Variants in RAB30 observed in about 807,000 individuals in gnomAD.
RAB30 encodes the protein RAB30, member RAS oncogene family.
A neutral mutation model predicts 25.1 loss-of-function variants in RAB30; 9 were observed. The observed-to-expected ratio is 0.36, with a 90% CI of 0.22 to 0.63. RAB30 has a LOEUF of 0.63. RAB30 is among the 20% of genes least tolerant of loss of function. The pLI, the probability that RAB30 is intolerant of heterozygous loss-of-function variation, is 0.69. For synonymous variants in RAB30, 77 were observed against 86.4 expected, an observed-to-expected ratio of 0.89 and a Z score of 0.60; for missense variants, 140 against 243.5, an observed-to-expected ratio of 0.58 and a Z score of 2.83.
chr11:82,979,462 A>G lies in RAB30; in HGVS notation c.*2703T>C, dbSNP rs1367693328. On this transcript the variant is annotated 3_prime_UTR_variant, in exon 5 of 5. Coordinates refer to ENST00000527633, the MANE Select transcript of RAB30 (RefSeq NM_001286060.2). ...AAGGCTCATCTTAGCAAATATTGCCATGACAATAAGACTGTTAGGCAAACC... is the reference window on the plus strand; with the variant it reads ...AAGGCTCATCTTAGCAAATATTGCCGTGACAATAAGACTGTTAGGCAAACC... The G allele has an allele frequency of 1.3e-5, 2 of 152,288 alleles. No individual in the cohort carries two copies. Among genetic ancestry groups the G allele is most frequent in the African/African-American group, 4.8e-5 (2 of 41,574 alleles). The allele number at this position is 152,288 out of a possible 1,614,324, so 9.4% of individuals were successfully genotyped here. A position where few individuals can be genotyped will look rare whatever the true frequency, so the allele number is the denominator to read the frequency against.
At chr11:83,025,365 T>C (rs1857685346) in intron 1 of RAB30, among the ~76,000 whole-genome samples, 1 of 152,216 alleles carries the variant, frequency 6.6e-6, no homozygotes, top group Non-Finnish European at 1.5e-5. Context: ...TTTACACTGT[T>C]ATAGCTGCCC....
intron 1 of RAB30, among the ~76,000 whole-genome samples, chr11:83,046,764 G>A (rs1783080530): frequency 6.6e-6 from 1 of 152,028 alleles, no homozygotes; most frequent in Non-Finnish European, 1.5e-5. Context: ...CAAAGTGCTG[G>A]GATTACAGCT....
rs1005273697 is a variant in RAB30 at position 82,973,610 on chromosome 11, T to G, written c.*8555A>C. ...AAATGACAGGCTCATAGAAAAATTC[T>G]TATGGATGTATTGGGGAGTTAGTCT... is the stretch of plus-strand genomic sequence containing the variant. On this transcript the variant is annotated 3_prime_UTR_variant, in exon 5 of 5. Transcript: ENST00000527633. 6.6e-6 allele frequency: 1 copy of G among 152,230 alleles called. No homozygotes were observed. Among genetic ancestry groups the G allele is most frequent in the African/African-American group, 2.4e-5 (1 of 41,466 alleles). The allele number at this position is 152,230 out of a possible 1,614,324, so 9.4% of individuals were successfully genotyped here.
At position 83,014,603 on chromosome 11, in the gene RAB30, C is replaced by CAGAGAGAGAG. The variant is rs60032268; in HGVS notation, c.-8-17280_-8-17279insCTCTCTCTCT. On this transcript the variant is annotated intron_variant, in intron 1 of 4. Transcript: ENST00000527633. ...AAGAAAAGAAAGAGAGAGGCAGAGG[C>CAGAGAGAGAG]AGAGAGAGACAAAGAAAGAAAGAAG... 6.0e-4 allele frequency among the ~76,000 whole-genome samples: 81 copies of CAGAGAGAGAG among 134,760 alleles called. 3 individuals are homozygous for CAGAGAGAGAG. The highest frequency in any genetic ancestry group is 2.1e-3 in the African/African-American group (77 of 36,418). 88.4% of individuals were successfully genotyped at this position (134,760 alleles called of 152,430 possible).
chr11:82,983,041 T>C (rs2121430529), intron 4 of RAB30, among the ~76,000 whole-genome samples: 1 of 151,254 alleles, frequency 6.6e-6, no homozygotes, highest in South Asian at 2.1e-4. Context: ...ATGGAAACAC[T>C]GGGATATACT....
Position 83,038,554 on chromosome 11 carries a change from C to T in RAB30, c.-9+33137G>A, listed in dbSNP as rs1028698326. On this transcript the variant is annotated intron_variant, in intron 1 of 4. Transcript: ENST00000527633. ...AAAATAATGAGGCTGGGTGCAGTGGCGCACACCTGTAATCCCAGCACTTTG... is the reference window on the plus strand; with the variant it reads ...AAAATAATGAGGCTGGGTGCAGTGGTGCACACCTGTAATCCCAGCACTTTG... Among the ~76,000 whole-genome samples the T allele has an allele frequency of 2.1e-4, 32 of 152,234 alleles. 1 individual carries two copies. The highest frequency in any genetic ancestry group is 8.5e-4 in the Admixed American group (13 of 15,280).
chr11:83,015,540 A>T (rs1857417176), intron 1 of RAB30, among the ~76,000 whole-genome samples: 3 of 152,236 alleles, frequency 2.0e-5, no homozygotes, highest in Admixed American at 2.0e-4. Context: ...AAGGACTCTC[A>T]GACATCTATG....
rs1856763998 is a variant in RAB30, at chr11:82,987,687, G to C, written c.261C>G (p.Leu87=). 6.2e-7 allele frequency: 1 copy of C among 1,613,668 alleles called. No individual in the cohort carries two copies. Among genetic ancestry groups the C allele is most frequent in the Non-Finnish European group, 8.5e-7 (1 of 1,179,702 alleles). The part of the protein sequence containing the change: ...SYYRSANALI[L]TYDITCEESF... ...ATTCCTCACAGGTAATGTCATAGGTGAGGATCAAGGCATTGGCGCTTCGGT... is the reference window on the plus strand; with the variant it reads ...ATTCCTCACAGGTAATGTCATAGGTCAGGATCAAGGCATTGGCGCTTCGGT... The change falls in exon 4 of 5, where the codon CTC becomes CTG. Residue 87 remains leucine (L), a synonymous_variant. Transcript: ENST00000527633.
At chr11:83,060,482 C>G (rs1760796220) in intron 1 of RAB30, among the ~76,000 whole-genome samples, 2 of 152,252 alleles carry the variant, frequency 1.3e-5, no homozygotes, top group South Asian at 4.1e-4. Flanking sequence ...ACCACCTCAA[C>G]CAAATGATCA....
chr11:83,064,448 T>C (rs958997138), intron 1 of RAB30, among the ~76,000 whole-genome samples: 7 of 152,130 alleles, frequency 4.6e-5, no homozygotes, highest in African/African-American at 7.2e-5. Context: ...AAATTTGAGA[T>C]ATATATTTAG....
In RAB30 at chr11:82,997,300, T is replaced by C. The variant is rs142448864; in HGVS notation, c.17A>G (p.Tyr6Cys). ...TAAAACAATTTTGAACAGGAAATCA[T>C]AATCTTCCATACTCATTTACACAGC... MSMED[Y>C]DFLFKIVLIG... The change falls in exon 2 of 5, where the codon TAT becomes TGT. Residue 6 changes from tyrosine (Y) to cysteine (C), a missense_variant. By Grantham distance (194) the Tyr-to-Cys change is radical. Coordinates refer to ENST00000527633, the MANE Select transcript of RAB30 (RefSeq NM_001286060.2). The C allele has an allele frequency of 3.7e-6, 6 of 1,609,982 alleles. No homozygotes were observed. The highest frequency in any genetic ancestry group is 1.1e-5 in the South Asian group (1 of 90,998).
intron 1 of RAB30, among the ~76,000 whole-genome samples, chr11:83,003,188 A>T (rs1857121039): frequency 6.6e-6 from 1 of 152,218 alleles, no homozygotes; most frequent in Non-Finnish European, 1.5e-5. Context: ...ATGATATTAG[A>T]ATCTATACCA....
chr11:83,008,001 C>T (rs961639668), intron 1 of RAB30, among the ~76,000 whole-genome samples: 2 of 152,266 alleles, frequency 1.3e-5, no homozygotes, highest in Non-Finnish European at 2.9e-5. Flanking sequence ...GAGCTCTGGG[C>T]TTTGCCCCAT....
chr11:83,061,213 CCT>C (rs151314585), intron 1 of RAB30, among the ~76,000 whole-genome samples: 178 of 147,920 alleles, frequency 1.2e-3, no homozygotes, highest in Admixed American at 1.2e-3. Flanking sequence ...TCTCTTCCCA[CCT>C]CTCTCTCTCT....
intron 1 of RAB30, among the ~76,000 whole-genome samples, chr11:83,000,003 C>T (rs1482660427): frequency 6.6e-6 from 1 of 152,156 alleles, no homozygotes; most frequent in African/African-American, 2.4e-5. Flanking sequence ...GAGTCCAGAT[C>T]CTAACCCCTC....
intron 1 of RAB30, among the ~76,000 whole-genome samples, chr11:83,070,201 T>C (rs1352629059): frequency 6.6e-6 from 1 of 152,160 alleles, no homozygotes; most frequent in Admixed American, 6.5e-5. Context: ...CAGAGCGTCA[T>C]CAACAGAGAG....
chr11:82,998,206 T>C (rs17144481), intron 1 of RAB30, among the ~76,000 whole-genome samples: 11,393 of 152,014 alleles, frequency 0.075, 733 homozygotes, highest in East Asian at 0.33. Context: ...TGGGACAGAG[T>C]TACTCTTTTA....
At chr11:83,069,633 A>G (rs1858786872) in intron 1 of RAB30, among the ~76,000 whole-genome samples, 1 of 151,770 alleles carries the variant, frequency 6.6e-6, no homozygotes, top group African/African-American at 2.4e-5. Flanking sequence ...AGGATAAGGA[A>G]AAAAAAAATG....
At position 82,978,832 on chromosome 11, in the gene RAB30, C is replaced by G. The variant is rs1238843964; in HGVS notation, c.*3333G>C. 7 of 152,194 alleles carry G rather than the reference C, an allele frequency of 4.6e-5. No individual in the cohort carries two copies. Among genetic ancestry groups the G allele is most frequent in the Admixed American group, 3.9e-4 (6 of 15,282 alleles). 9.4% of individuals were successfully genotyped at this position (152,194 alleles called of 1,614,324 possible). ...GCTTAAATAATCCTCATCCAAATAT[C>G]TTATTTTGGCCAATCGTTTCTACCT... On this transcript the variant is annotated 3_prime_UTR_variant, in exon 5 of 5. Transcript: ENST00000527633.
Sources: gnomAD v4.1 joint callset for allele counts (sites outside exome capture counted in the v4.1 genomes callset) on GRCh38, gnomAD v4.1.1 for gene constraint, MANE v1.5 for transcripts, NCBI Gene and HGNC (gene_info 2026-07-23, HGNC 2026-07-21) for gene names.